EFNA5: variants seen among roughly 807,000 people sequenced by gnomAD.
EFNA5 encodes the protein ephrin A5.
In EFNA5, 5 loss-of-function variants were observed where a neutral mutation model predicts 22.9. That is an observed-to-expected ratio of 0.22 (90% CI 0.11 to 0.46). The LOEUF (loss-of-function observed/expected upper bound fraction) is 0.46, where lower values mean the gene tolerates loss of function less well. Ranked by LOEUF, EFNA5 falls within the 20% of genes least tolerant of loss-of-function variation. EFNA5 has a pLI of 0.99. For missense variants in EFNA5, 237 were observed against 293.3 expected, an observed-to-expected ratio of 0.81 and a Z score of 1.40; for synonymous variants, 113 against 112.2, an observed-to-expected ratio of 1.01 and a Z score of -0.04.
At chr5:107,473,001 C>T (rs527384503) in intron 1 of EFNA5, among the ~76,000 whole-genome samples, 1 of 152,184 alleles carries the variant, frequency 6.6e-6, no homozygotes, top group East Asian at 1.9e-4. Flanking sequence ...TCCCTCCCCC[C>T]AGCACCTGCT....
intron 2 of EFNA5, among the ~76,000 whole-genome samples, chr5:107,390,962 C>T (rs1228380689): frequency 2.0e-5 from 3 of 152,082 alleles, no homozygotes; most frequent in Non-Finnish European, 2.9e-5. Context: ...AGTTCGAGAC[C>T]AGCCTGGCCA....
At chr5:107,395,391 A>G (rs1476414230) in intron 2 of EFNA5, among the ~76,000 whole-genome samples, 2 of 152,138 alleles carry the variant, frequency 1.3e-5, no homozygotes, top group Non-Finnish European at 2.9e-5. Flanking sequence ...TAAATCTCAC[A>G]TTCTGAATGT....
chr5:107,425,219 T>C (rs944206594), intron 2 of EFNA5, among the ~76,000 whole-genome samples: 5 of 152,218 alleles, frequency 3.3e-5, no homozygotes, highest in African/African-American at 9.6e-5. Flanking sequence ...ATTTGAATAA[T>C]AACATCTTGC....
chr5:107,640,716 C>T (rs1003542970), intron 1 of EFNA5, among the ~76,000 whole-genome samples: 1 of 152,172 alleles, frequency 6.6e-6, no homozygotes, highest in African/African-American at 2.4e-5. Context: ...TGCAGGTGAG[C>T]GGACTGTCTT....
At chr5:107,427,968 T>C (rs1485489476) in intron 1 of EFNA5, among the ~76,000 whole-genome samples, 1 of 152,228 alleles carries the variant, frequency 6.6e-6, no homozygotes, top group Admixed American at 6.5e-5. Flanking sequence ...AATTGTTTTT[T>C]GTTATAGTTG....
At position 107,571,598 on chromosome 5, in the gene EFNA5, A is replaced by G. The variant is rs551943047; in HGVS notation, c.125+98891T>C. 3.0e-4 allele frequency among the ~76,000 whole-genome samples: 45 copies of G among 152,116 alleles called. 1 individual carries two copies. The highest frequency in any genetic ancestry group is 5.9e-4 in the Non-Finnish European group (40 of 67,986). On this transcript the variant is annotated intron_variant, in intron 1 of 4. Transcript: ENST00000333274. ...CATAGGTTTGGGCTCTCTGAATTAA[A>G]TACTGTACTGAGCCACCCTGGGAAC...
chr5:107,605,503 T>C (rs1327889800), intron 1 of EFNA5, among the ~76,000 whole-genome samples: 1 of 152,106 alleles, frequency 6.6e-6, no homozygotes. Context: ...TACCTAGAGA[T>C]TTAAGGCTGA....
At chr5:107,642,294 T>C (rs1008346136) in intron 1 of EFNA5, among the ~76,000 whole-genome samples, 2 of 152,154 alleles carry the variant, frequency 1.3e-5, no homozygotes, top group Admixed American at 6.5e-5. Context: ...GTTAATAATA[T>C]ATTGTATACT....
At chr5:107,474,209 T>C (rs2112389444) in intron 1 of EFNA5, among the ~76,000 whole-genome samples, 1 of 152,302 alleles carries the variant, frequency 6.6e-6, no homozygotes, top group East Asian at 1.9e-4. Flanking sequence ...CACATTCTTC[T>C]TACACAGAAA....
At chr5:107,398,650 C>G (rs1747993587) in intron 2 of EFNA5, among the ~76,000 whole-genome samples, 1 of 151,836 alleles carries the variant, frequency 6.6e-6, no homozygotes, top group Non-Finnish European at 1.5e-5. Flanking sequence ...AGTTTGAGAA[C>G]AGCCTGGGCA....
At chr5:107,558,304 C>T (rs116006625) in intron 1 of EFNA5, among the ~76,000 whole-genome samples, 14 of 152,042 alleles carry the variant, frequency 9.2e-5, no homozygotes, top group Non-Finnish European at 1.5e-4. Flanking sequence ...TTAAGTAACT[C>T]GCTTTTTTTC....
At chr5:107,397,394 C>T (rs905618190) in intron 2 of EFNA5, among the ~76,000 whole-genome samples, 1 of 151,910 alleles carries the variant, frequency 6.6e-6, no homozygotes, top group African/African-American at 2.4e-5. Context: ...ACTAAAAATA[C>T]AAAAATTGGT....
At chr5:107,410,773 C>G (rs1027202241) in intron 2 of EFNA5, among the ~76,000 whole-genome samples, 3 of 152,110 alleles carry the variant, frequency 2.0e-5, no homozygotes, top group Non-Finnish European at 4.4e-5. Flanking sequence ...TCAATCTAGC[C>G]TAACTCCCTC....
intron 1 of EFNA5, among the ~76,000 whole-genome samples, chr5:107,575,870 C>A (rs1196350839): frequency 6.6e-6 from 1 of 152,134 alleles, no homozygotes; most frequent in Admixed American, 6.6e-5. Flanking sequence ...AGAACATCAG[C>A]ATTTGCCAAT....
chr5:107,580,986 C>T (rs541783008), intron 1 of EFNA5, among the ~76,000 whole-genome samples: 2 of 152,102 alleles, frequency 1.3e-5, no homozygotes, highest in South Asian at 2.1e-4. Flanking sequence ...GTTTTTTTAC[C>T]GTAAATTTGT....
At chr5:107,663,459 C>T (rs1751007263) in intron 1 of EFNA5, among the ~76,000 whole-genome samples, 1 of 152,090 alleles carries the variant, frequency 6.6e-6, no homozygotes, top group African/African-American at 2.4e-5. Context: ...TACATATTTG[C>T]TAACATATAT....
At chr5:107,528,873 ACC>A (rs1345678486) in intron 1 of EFNA5, among the ~76,000 whole-genome samples, 20 of 152,182 alleles carry the variant, frequency 1.3e-4, no homozygotes, top group Non-Finnish European at 2.4e-4. Context: ...TTGTATCATG[ACC>A]CATGAGTGGT....
intron 1 of EFNA5, among the ~76,000 whole-genome samples, chr5:107,434,111 G>A (rs1233618699): frequency 6.6e-6 from 1 of 152,294 alleles, no homozygotes; most frequent in African/African-American, 2.4e-5. Context: ...TAAGCTGTAA[G>A]AGCTTTGTCC....
At chr5:107,438,181 A>C (rs1322539636) in intron 1 of EFNA5, among the ~76,000 whole-genome samples, 1 of 152,186 alleles carries the variant, frequency 6.6e-6, no homozygotes, top group Non-Finnish European at 1.5e-5. Context: ...ATTCATTACA[A>C]ATCAGGCGGA....
Sources: allele counts gnomAD v4.1 joint callset (sites outside exome capture counted in the v4.1 genomes callset), GRCh38; gene constraint gnomAD v4.1.1; transcripts MANE v1.5; gene names NCBI Gene and HGNC (gene_info 2026-07-23, HGNC 2026-07-21).